The following SYTL2 variants were observed in gnomAD, a reference collection of about 807,000 sequenced individuals.
The protein encoded by SYTL2 is synaptotagmin-like protein 2.
SYTL2 carries 165 observed loss-of-function variants against 198.7 expected under a neutral mutation model. The observed-to-expected ratio is 0.83, with a 90% CI of 0.73 to 0.94. The LOEUF (loss-of-function observed/expected upper bound fraction) is 0.94, where lower values mean the gene tolerates loss of function less well. SYTL2 is among the 40% of genes least tolerant of loss of function. SYTL2 has a pLI of 0.00. For missense variants in SYTL2, 2,835 were observed against 2,582.8 expected (o/e 1.10, Z -2.12); for synonymous variants, 966 against 917.7 (o/e 1.05, Z -0.95).
Position 85,709,358 on chromosome 11 carries a change from G to A in SYTL2, c.5888C>T (p.Ala1963Val), listed in dbSNP as rs61740616. The change falls in exon 14 of 20, where the codon GCG becomes GTG. Residue 1963 changes from alanine (A) to valine (V), a missense_variant. Coordinates refer to ENST00000359152, the MANE Select transcript of SYTL2 (RefSeq NM_206927.4). ...GTCTGAACGCTGTTTTTTTACATCC[G>A]CTGCTGCTAAGTCCTTACACTGGGC... The part of the protein sequence containing the change: ...FVAQCKDLAA[A>V]DVKKQRSDPY... 36,346 of 1,613,830 alleles carry A rather than the reference G, an allele frequency of 0.023. 520 individuals carry two copies. Among genetic ancestry groups the A allele is most frequent in the Admixed American group, 0.05 (3,012 of 59,996 alleles).
intron 1 of SYTL2, among the ~76,000 whole-genome samples, chr11:85,765,733 G>C (rs1393533922): frequency 6.6e-6 from 1 of 152,126 alleles, no homozygotes; most frequent in East Asian, 1.9e-4. Flanking sequence ...TGAATGAAGA[G>C]GGAAAGACAG....
At chr11:85,796,664 T>A (rs774980859) in intron 1 of SYTL2, among the ~76,000 whole-genome samples, 4 of 152,190 alleles carry the variant, frequency 2.6e-5, no homozygotes, top group Non-Finnish European at 5.9e-5. Context: ...TGTTCTAGTC[T>A]CTTTCTATCC....
intron 2 of SYTL2, among the ~76,000 whole-genome samples, chr11:85,749,383 C>A (rs925803668): frequency 6.6e-6 from 1 of 152,174 alleles, no homozygotes; most frequent in Non-Finnish European, 1.5e-5. Flanking sequence ...GATAGTCATA[C>A]AAACTAATAT....
intron 1 of SYTL2, among the ~76,000 whole-genome samples, chr11:85,784,331 C>T (rs1001202646): frequency 7.2e-5 from 11 of 151,826 alleles, no homozygotes; most frequent in African/African-American, 2.7e-4. Flanking sequence ...ATTCCTTCTG[C>T]TGTATTCTCC....
intron 4 of SYTL2, among the ~76,000 whole-genome samples, chr11:85,745,415 A>G (rs973395389): frequency 6.6e-6 from 1 of 152,158 alleles, no homozygotes; most frequent in Non-Finnish European, 1.5e-5. Flanking sequence ...TAACATTTTT[A>G]TTTTATTTAA....
chr11:85,724,153 T>C lies in SYTL2; in HGVS notation c.5205A>G (p.Glu1735=). The C allele has an allele frequency of 6.2e-7, 1 of 1,604,314 alleles. No individual in the cohort carries two copies. The highest frequency in any genetic ancestry group is 8.5e-7 in the Non-Finnish European group (1 of 1,177,780). The change falls in exon 8 of 20, where the codon GAA becomes GAG. Residue 1735 remains glutamate, a synonymous_variant. Coordinates refer to ENST00000359152, the MANE Select transcript of SYTL2 (RefSeq NM_206927.4). The part of the protein sequence containing the change: ...KENSTKTSKV[E]LTLASPYMKQ... ...TCATATATGGCGATGCTAGAGTCAATTCAACTTTACTTGTTTTTGTAGAGT... is the reference window on the plus strand; with the variant it reads ...TCATATATGGCGATGCTAGAGTCAACTCAACTTTACTTGTTTTTGTAGAGT...
At chr11:85,755,514 A>AC in intron 2 of SYTL2, among the ~76,000 whole-genome samples, 1 of 152,214 alleles carries the variant, frequency 6.6e-6, no homozygotes, top group African/African-American at 2.4e-5. Flanking sequence ...GAAACAACAG[A>AC]CAGAAGGAGT....
the SYTL2 span, among the ~76,000 whole-genome samples, chr11:85,844,343 T>C: frequency 6.6e-6 from 1 of 152,194 alleles, no homozygotes; most frequent in African/African-American, 2.4e-5. Flanking sequence ...CACAACCTTA[T>C]TATTCCCTTA....
chr11:85,750,559 T>C (rs1436618121), intron 2 of SYTL2, among the ~76,000 whole-genome samples: 1 of 152,180 alleles, frequency 6.6e-6, no homozygotes, highest in Non-Finnish European at 1.5e-5. Flanking sequence ...TTGTACTCAC[T>C]AACCTGTGGT....
At chr11:85,853,045 G>C in the SYTL2 span, 19 of 307,188 alleles carry the variant, frequency 6.2e-5, no homozygotes, top group Non-Finnish European at 1.1e-4. Context: ...TGGGAAGTGA[G>C]GAGCGCCTCC....
In SYTL2 at chr11:85,696,201, G is replaced by A. The variant is rs769567192; in HGVS notation, c.6556C>T (p.Arg2186Cys). The change falls in exon 19 of 20, where the codon CGT becomes TGT. Residue 2186 changes from arginine to cysteine, a missense_variant. By Grantham distance (180) the Arg-to-Cys change is radical. Coordinates refer to ENST00000359152, the MANE Select transcript of SYTL2 (RefSeq NM_206927.4). ...ACAGTACCTGTTCCAAAGCCAATAC[G>A]AAGACCTCCCAAAAATTGGTTGGTT... is the stretch of plus-strand genomic sequence containing the variant. ...KLTNQFLGGL[R>C]IGFGTGKSYG... 2.9e-5 allele frequency: 46 copies of A among 1,613,944 alleles called. No individual in the cohort carries two copies. The highest frequency in any genetic ancestry group is 6.7e-5 in the Admixed American group (4 of 60,006).
intron 1 of SYTL2, among the ~76,000 whole-genome samples, chr11:85,761,104 G>A (rs2092083218): frequency 6.6e-6 from 1 of 152,014 alleles, no homozygotes; most frequent in African/African-American, 2.4e-5. Context: ...GAACAAGACA[G>A]AAAAACTTCC....
intron 7 of SYTL2, among the ~76,000 whole-genome samples, chr11:85,730,114 C>CA (rs1159347867): frequency 6.6e-6 from 1 of 151,930 alleles, no homozygotes; most frequent in Admixed American, 6.6e-5. Flanking sequence ...GCCTAGCAAC[C>CA]AAAAAAAGTC....
the SYTL2 span, chr11:85,853,154 G>T: frequency 9.1e-6 from 3 of 328,268 alleles, no homozygotes; most frequent in South Asian, 6.5e-5. Context: ...ACCCCGTCTG[G>T]GAGGCGTACC....
the SYTL2 span, among the ~76,000 whole-genome samples, chr11:85,817,855 T>C: frequency 6.6e-6 from 1 of 152,074 alleles, no homozygotes; most frequent in Middle Eastern, 3.2e-3. Flanking sequence ...GACTGGGGTT[T>C]TTATCCCCTG....
At chr11:85,743,584 C>T (rs1263429202) in intron 4 of SYTL2, among the ~76,000 whole-genome samples, 1 of 152,160 alleles carries the variant, frequency 6.6e-6, no homozygotes, top group African/African-American at 2.4e-5. Flanking sequence ...TTCTGATTTA[C>T]AGATGAGACC....
chr11:85,789,354 A>ATGTG lies in SYTL2; in HGVS notation c.-390+21599_-390+21600insCACA, dbSNP rs1555260933. Among the ~76,000 whole-genome samples, 8 of 57,218 alleles carry ATGTG rather than the reference A, an allele frequency of 1.4e-4. 1 individual carries two copies. Among genetic ancestry groups the ATGTG allele is most frequent in the African/African-American group, 5.2e-4 (7 of 13,474 alleles). The allele number at this position is 57,218 out of a possible 152,430, so 37.5% of individuals were successfully genotyped here. The stretch of plus-strand genomic sequence containing the variant: ...TGTGTGTGTGTGTATATATATATAT[A>ATGTG]TATATATATATATATATATATATGT... On this transcript the variant is annotated intron_variant, in intron 1 of 19. Coordinates refer to ENST00000359152, the MANE Select transcript of SYTL2 (RefSeq NM_206927.4).
At position 85,736,501 on chromosome 11, in the gene SYTL2, C is replaced by G; in HGVS notation, c.586G>C (p.Asp196His). 1 of 1,476,054 alleles carries G rather than the reference C, an allele frequency of 6.8e-7. No individual in the cohort carries two copies. Among genetic ancestry groups the G allele is most frequent in the Non-Finnish European group, 9.4e-7 (1 of 1,066,874 alleles). The allele number at this position is 1,476,054 out of a possible 1,614,324, so 91.4% of individuals were successfully genotyped here. A position where few individuals can be genotyped will look rare whatever the true frequency, so the allele number is the denominator to read the frequency against. Residue 196 changes from aspartate to histidine, a missense_variant and splice_region_variant, in exon 6 of 20, where the codon GAT becomes CAT. Asp to His is a moderately conservative substitution (Grantham distance 81). Around this residue, in one of 3 missense-constraint regions of SYTL2, gnomAD observed 2,645 missense variants for 2,381.7 expected, o/e 1.11. Coordinates refer to ENST00000359152, the MANE Select transcript of SYTL2 (RefSeq NM_206927.4). ...TCAAGTTCATAAAAATAATATTTAC[C>G]CTCTTTTGAAGTCTGAAATAAACCA... ...RTGLFQTSKE[D>H]ELSESKEKST... is the part of the protein sequence containing the mutation.
chr11:85,850,919 C>A, the SYTL2 span, among the ~76,000 whole-genome samples: 1 of 148,566 alleles, frequency 6.7e-6, no homozygotes, highest in Non-Finnish European at 1.5e-5. Flanking sequence ...AGTAAACTAT[C>A]GCAAGAACAA....
Sources: allele counts gnomAD v4.1 joint callset (sites outside exome capture counted in the v4.1 genomes callset), GRCh38; gene constraint gnomAD v4.1.1; regional missense constraint gnomAD v4.1.1; transcripts MANE v1.5; gene names NCBI Gene and HGNC (gene_info 2026-07-23, HGNC 2026-07-21).